Variants in VPS25 observed in about 807,000 individuals in gnomAD.
VPS25 encodes the protein vacuolar protein-sorting-associated protein 25.
Under a neutral mutation model 30.3 loss-of-function variants are expected in VPS25, and 21 were observed. That is an observed-to-expected ratio of 0.69 (90% CI 0.49 to 1.00). VPS25 has a LOEUF of 1.00. VPS25 is among the 50% of genes least tolerant of loss of function. VPS25 has a pLI of 0.00. For missense variants in VPS25, 156 were observed against 217.2 expected, an observed-to-expected ratio of 0.72 and a Z score of 1.77; for synonymous variants, 101 against 88.1, an observed-to-expected ratio of 1.15 and a Z score of -0.82.
intron 5 of VPS25, among the ~76,000 whole-genome samples, chr17:42,778,092 A>G (rs2054446127): frequency 6.6e-6 from 1 of 152,148 alleles, no homozygotes; most frequent in African/African-American, 2.4e-5. Context: ...GGGTGAGGTA[A>G]GCAAGCCTGT....
chr17:42,778,489 C>T (rs2054448364), intron 5 of VPS25, among the ~76,000 whole-genome samples: 1 of 152,106 alleles, frequency 6.6e-6, no homozygotes, highest in Non-Finnish European at 1.5e-5. Flanking sequence ...CTGGCCTGTG[C>T]TCCCAGCTAA....
intron 4 of VPS25, 107 bp from the exon 5 acceptor site, chr17:42,776,138 G>A (rs2054434121): frequency 3.1e-6 from 3 of 969,746 alleles, no homozygotes; most frequent in South Asian, 1.5e-5. Context: ...GTGAGTCCTG[G>A]TTTGGGAATA....
chr17:42,779,148 A>C lies in VPS25; in HGVS notation c.*79A>C. 1 of 1,347,776 alleles carries C rather than the reference A, an allele frequency of 7.4e-7. No individual in the cohort carries two copies. Among genetic ancestry groups the C allele is most frequent in the South Asian group, 1.3e-5 (1 of 79,838 alleles). The allele number at this position is 1,347,776 out of a possible 1,614,324, so 83.5% of individuals were successfully genotyped here. The stretch of plus-strand genomic sequence containing the variant: ...AGGAGACAGACCCAGTGTCCCCCAA[A>C]GACTGGATCTGTGACTCCACCAGAC... On this transcript the variant is annotated 3_prime_UTR_variant, in exon 6 of 6. Transcript: ENST00000253794.
intron 5 of VPS25, among the ~76,000 whole-genome samples, chr17:42,776,662 TG>T (rs1357039588): frequency 6.9e-4 from 100 of 145,870 alleles, no homozygotes; most frequent in Non-Finnish European, 1.2e-3. Flanking sequence ...GTGCCCCGCC[TG>T]TTTTTTTTTT....
In VPS25 at chr17:42,773,474, C is replaced by A; in HGVS notation, c.-2C>A. On this transcript the variant is annotated 5_prime_UTR_variant, in exon 1 of 6. Coordinates refer to ENST00000253794, the MANE Select transcript of VPS25 (RefSeq NM_032353.4). The stretch of plus-strand genomic sequence containing the variant: ...AGCTTCCGGGTTTCCTGGGCTACTA[C>A]GATGGCGATGAGTTTCGAGTGGCCG... 6.2e-7 allele frequency: 1 copy of A among 1,614,222 alleles called. No individual in the cohort carries two copies. Among genetic ancestry groups the A allele is most frequent in the Non-Finnish European group, 8.5e-7 (1 of 1,180,040 alleles).
At position 42,773,466 on chromosome 17, in the gene VPS25, G is replaced by T; in HGVS notation, c.-10G>T. On this transcript the variant is annotated 5_prime_UTR_variant, in exon 1 of 6. Coordinates refer to ENST00000253794, the MANE Select transcript of VPS25 (RefSeq NM_032353.4). ...TAGCCGGTAGCTTCCGGGTTTCCTG[G>T]GCTACTACGATGGCGATGAGTTTCG... 1 of 1,614,124 alleles carries T rather than the reference G, an allele frequency of 6.2e-7. No individual in the cohort carries two copies. Among genetic ancestry groups the T allele is most frequent in the Middle Eastern group, 1.6e-4 (1 of 6,062 alleles).
chr17:42,773,581 C>T lies in VPS25; in HGVS notation c.53+53C>T. 2.5e-6 allele frequency: 4 copies of T among 1,613,682 alleles called. No homozygotes were observed. The South Asian group carries it at 4.4e-5, about 18-fold the overall frequency. Reference sequence around the variant, plus strand: ...CTGTGCCTCCCTCCCCTCCCCCGGACCCTGGGCTCAGCCCTGATGCTTCAT... The same window carrying T: ...CTGTGCCTCCCTCCCCTCCCCCGGATCCTGGGCTCAGCCCTGATGCTTCAT... On this transcript the variant is annotated intron_variant, in intron 1 of 5. Transcript: ENST00000253794.
chr17:42,776,661 C>CTTTT lies in VPS25; in HGVS notation c.418+342_418+343insTTTT, dbSNP rs1177773681. ...AGAGGCGTGAGCCACTGTGCCCCGC[C>CTTTT]TGTTTTTTTTTTTTTTTTTTTGAGA... On this transcript the variant is annotated intron_variant, in intron 5 of 5. Coordinates refer to ENST00000253794, the MANE Select transcript of VPS25 (RefSeq NM_032353.4). 4.9e-5 allele frequency among the ~76,000 whole-genome samples: 7 copies of CTTTT among 142,166 alleles called. 1 individual carries two copies. Among genetic ancestry groups the CTTTT allele is most frequent in the Non-Finnish European group, 7.6e-5 (5 of 65,682 alleles). 93.3% of individuals were successfully genotyped at this position (142,166 alleles called of 152,430 possible).
chr17:42,774,575 C>A, intron 2 of VPS25, 71 bp from the exon 3 acceptor site: 1 of 1,361,262 alleles, frequency 7.3e-7, no homozygotes, highest in Non-Finnish European at 1.0e-6. Context: ...TGTTTCTCAA[C>A]ATGGGACTGG....
chr17:42,773,560 G>A (rs2054420851), intron 1 of VPS25, 32 bp downstream of exon 1: 1 of 1,614,060 alleles, frequency 6.2e-7, no homozygotes, highest in South Asian at 1.1e-5. Context: ...GCACCGCTGT[G>A]CCTCCCTCCC....
chr17:42,773,537 C>G lies in VPS25; in HGVS notation c.53+9C>G. 2 of 1,614,180 alleles carry G rather than the reference C, an allele frequency of 1.2e-6. No homozygotes were observed. The highest frequency in any genetic ancestry group is 1.7e-6 in the Non-Finnish European group (2 of 1,180,020). On this transcript the variant is annotated intron_variant, in intron 1 of 5. Coordinates refer to ENST00000253794, the MANE Select transcript of VPS25 (RefSeq NM_032353.4). ...TTCCCACCCTTCTTTACGTGAGGCT[C>G]AGACCCCAAGAAGCACCGCTGTGCC...
At chr17:42,777,442 A>G (rs1205574600) in intron 5 of VPS25, among the ~76,000 whole-genome samples, 4 of 152,220 alleles carry the variant, frequency 2.6e-5, no homozygotes, top group South Asian at 2.1e-4. Context: ...TTGAACCCGA[A>G]GGCAGAGGTT....
At position 42,775,365 on chromosome 17, in the gene VPS25, A is replaced by G; in HGVS notation, c.254-16A>G. On this transcript the variant is annotated splice_polypyrimidine_tract_variant and intron_variant, in intron 3 of 5. Coordinates refer to ENST00000253794, the MANE Select transcript of VPS25 (RefSeq NM_032353.4). ...CTGCGCGCCTGGTTATGCTTTCATAAGTATCTGTTTTACAGGGAACCTCGA... is the reference window on the plus strand; with the variant it reads ...CTGCGCGCCTGGTTATGCTTTCATAGGTATCTGTTTTACAGGGAACCTCGA... The G allele has an allele frequency of 1.2e-6, 2 of 1,609,744 alleles. No individual in the cohort carries two copies. Among genetic ancestry groups the G allele is most frequent in the Non-Finnish European group, 8.5e-7 (1 of 1,176,436 alleles).
At chr17:42,774,055 A>G (rs1311851143) in intron 2 of VPS25, 177 bp downstream of exon 2, 1 of 709,266 alleles carries the variant, frequency 1.4e-6, no homozygotes, top group Non-Finnish European at 2.2e-6. Flanking sequence ...ATGCAGTACC[A>G]TACCCTCTTG....
chr17:42,774,418 G>A (rs994383329), intron 2 of VPS25: 12 of 385,544 alleles, frequency 3.1e-5, no homozygotes, highest in Non-Finnish European at 5.0e-5. Context: ...CTCTTGCTCA[G>A]GCTGGAATGC....
intron 3 of VPS25, chr17:42,774,935 GATAATA>G (rs2054428365): frequency 2.3e-6 from 1 of 440,506 alleles, no homozygotes; most frequent in African/African-American, 2.0e-5. Context: ...GTGCCTTGTA[GATAATA>G]ATAGTAAAAT....
chr17:42,775,344 G>A (rs774020519), intron 3 of VPS25, 37 bp from the exon 4 acceptor site: 18 of 1,576,544 alleles, frequency 1.1e-5, no homozygotes, highest in East Asian at 6.8e-5. Flanking sequence ...AAGCCACTGC[G>A]CGCCTGGTTA....
intron 5 of VPS25, among the ~76,000 whole-genome samples, chr17:42,777,672 C>T (rs1005037168): frequency 2.6e-5 from 4 of 152,204 alleles, no homozygotes; most frequent in Non-Finnish European, 5.9e-5. Context: ...TTATAGAGGG[C>T]TCAAGATCTG....
At chr17:42,774,532 C>T (rs577887895) in intron 2 of VPS25, 114 bp from the exon 3 acceptor site, 194 of 717,704 alleles carry the variant, frequency 2.7e-4, no homozygotes, top group Non-Finnish European at 4.1e-4. Flanking sequence ...TGGGAAATTG[C>T]ACACATATGT....
Sources: allele counts gnomAD v4.1 joint callset (sites outside exome capture counted in the v4.1 genomes callset), GRCh38; gene constraint gnomAD v4.1.1; transcripts MANE v1.5; gene names NCBI Gene and HGNC (gene_info 2026-07-23, HGNC 2026-07-21).